LPCAT1: variants seen among roughly 807,000 people sequenced by gnomAD.
LPCAT1 encodes 1-acylglycerol-3-phosphate O-acyltransferase.
A neutral mutation model predicts 60.9 loss-of-function variants in LPCAT1; 23 were observed. That is an observed-to-expected ratio of 0.38 (90% CI 0.27 to 0.53). The LOEUF (loss-of-function observed/expected upper bound fraction) is 0.53, where lower values mean the gene tolerates loss of function less well. Among genes scored for constraint, LPCAT1 ranks in the 20% least tolerant of loss-of-function variants. The pLI is 0.82. For missense variants in LPCAT1, 622 were observed against 723.6 expected (o/e 0.86, Z 1.61); for synonymous variants, 340 against 301.1 (o/e 1.13, Z -1.34).
chr5:1,503,648 C>T (rs867284947), intron 1 of LPCAT1, among the ~76,000 whole-genome samples: 4 of 152,226 alleles, frequency 2.6e-5, no homozygotes, highest in East Asian at 1.9e-4. Context: ...CTCGTGCAGT[C>T]GCCCTACGAA....
intron 1 of LPCAT1, among the ~76,000 whole-genome samples, chr5:1,516,782 G>A (rs1339305119): frequency 1.3e-5 from 2 of 152,184 alleles, no homozygotes; most frequent in African/African-American, 2.4e-5. Flanking sequence ...CCCCAGCAGT[G>A]TCTCCCCACA....
rs141577646 is a variant in LPCAT1, at chr5:1,496,932, C to G, written c.279-2018G>C. ...GGGGAATGTGAATCAGGAGACAGATCTATCTGCATACACAGGAGCGGGGAT... is the reference window on the plus strand; with the variant it reads ...GGGGAATGTGAATCAGGAGACAGATGTATCTGCATACACAGGAGCGGGGAT... On this transcript the variant is annotated intron_variant, in intron 2 of 13. Coordinates refer to ENST00000283415, the MANE Select transcript of LPCAT1 (RefSeq NM_024830.5). This position sits in a 1 kb window ranked among gnomAD's most constrained non-coding sequence, Gnocchi z 4.7. 6.6e-6 allele frequency among the ~76,000 whole-genome samples: 1 copy of G among 152,278 alleles called. No homozygotes were observed. Among genetic ancestry groups the G allele is most frequent in the African/African-American group, 2.4e-5 (1 of 41,566 alleles).
rs1185957289 is a variant in LPCAT1 at position 1,495,077 on chromosome 5, G to A, written c.279-163C>T. 2.7e-5 allele frequency: 18 copies of A among 669,900 alleles called. No individual in the cohort carries two copies. Among genetic ancestry groups the A allele is most frequent in the Middle Eastern group, 8.2e-4 (2 of 2,434 alleles). The allele number at this position is 669,900 out of a possible 1,614,324, so 41.5% of individuals were successfully genotyped here. A position where few individuals can be genotyped will look rare whatever the true frequency, so the allele number is the denominator to read the frequency against. Reference sequence around the variant, plus strand: ...ACATCTGCTTGAGGGAAGAAAAGACGCCGCGCCTTCCTGGCCTCCGCCTGT... The same window carrying A: ...ACATCTGCTTGAGGGAAGAAAAGACACCGCGCCTTCCTGGCCTCCGCCTGT... On this transcript the variant is annotated intron_variant, in intron 2 of 13. Coordinates refer to ENST00000283415, the MANE Select transcript of LPCAT1 (RefSeq NM_024830.5). This position sits in a 1 kb window ranked among gnomAD's most constrained non-coding sequence, Gnocchi z 4.7.
At chr5:1,503,601 C>A (rs969805675) in intron 1 of LPCAT1, among the ~76,000 whole-genome samples, 1 of 152,228 alleles carries the variant, frequency 6.6e-6, no homozygotes, top group African/African-American at 2.4e-5. Context: ...AAGTAAGACG[C>A]GCCTGTCCGC....
intron 1 of LPCAT1, among the ~76,000 whole-genome samples, chr5:1,512,733 C>T (rs538049658): frequency 2.6e-5 from 4 of 152,340 alleles, no homozygotes; most frequent in East Asian, 3.9e-4. Flanking sequence ...GGCTCACACC[C>T]GTGATGCCAG....
Position 1,483,292 on chromosome 5 carries a change from T to A in LPCAT1, c.726+136A>T. 3.0e-6 allele frequency: 3 copies of A among 1,005,266 alleles called. No homozygotes were observed. The highest frequency in any genetic ancestry group is 4.7e-6 in the Non-Finnish European group (3 of 637,698). The allele number at this position is 1,005,266 out of a possible 1,614,324, so 62.3% of individuals were successfully genotyped here. ...TCTCCAGCGCTGAGGCCGGATGGAC[T>A]CAGCATGGCCAAGTGTGGGCTGTGG... On this transcript the variant is annotated intron_variant, in intron 6 of 13. Coordinates refer to ENST00000283415, the MANE Select transcript of LPCAT1 (RefSeq NM_024830.5). The surrounding 1 kb of genome is among the most constrained non-coding windows in gnomAD (Gnocchi z 9.2).
rs905486744 is a variant in LPCAT1, at chr5:1,481,540, G to A, written c.727-564C>T. Among the ~76,000 whole-genome samples, 1 of 152,268 alleles carries A rather than the reference G, an allele frequency of 6.6e-6. No homozygotes were observed. The highest frequency in any genetic ancestry group is 6.5e-5 in the Admixed American group (1 of 15,286). ...CACAGCAGGGGCCGTGACGGCAGAG[G>A]CCCAGACACCGTCACCCTGGGGTGG... is the stretch of plus-strand genomic sequence containing the variant. On this transcript the variant is annotated intron_variant, in intron 6 of 13. Transcript: ENST00000283415. The surrounding 1 kb of genome is among the most constrained non-coding windows in gnomAD (Gnocchi z 7.8).
At position 1,462,416 on chromosome 5, in the gene LPCAT1, G is replaced by A. The variant is rs1216565042; in HGVS notation, c.*1235C>T. 1.3e-5 allele frequency: 2 copies of A among 152,378 alleles called. No individual in the cohort carries two copies. The highest frequency in any genetic ancestry group is 2.1e-4 in the South Asian group (1 of 4,824). 9.4% of individuals were successfully genotyped at this position (152,378 alleles called of 1,614,324 possible). On this transcript the variant is annotated 3_prime_UTR_variant, in exon 14 of 14. Coordinates refer to ENST00000283415, the MANE Select transcript of LPCAT1 (RefSeq NM_024830.5). ...CCCTCTGCCTTTGACTCTAAGATGG[G>A]GCAGGACCCCCGCTCTCAGTGGGAT...
intron 12 of LPCAT1, among the ~76,000 whole-genome samples, chr5:1,468,718 G>GT (rs1220484762): frequency 6.6e-6 from 1 of 152,252 alleles, no homozygotes; most frequent in Non-Finnish European, 1.5e-5. Flanking sequence ...GCCCCAAGGC[G>GT]TATGAAGCAC....
chr5:1,512,559 T>C (rs1736389584), intron 1 of LPCAT1, among the ~76,000 whole-genome samples: 1 of 152,248 alleles, frequency 6.6e-6, no homozygotes, highest in Non-Finnish European at 1.5e-5. Context: ...CCTTGTGTAC[T>C]ACAAATGCAG....
chr5:1,517,668 T>C (rs1419212117), intron 1 of LPCAT1, among the ~76,000 whole-genome samples: 1 of 144,402 alleles, frequency 6.9e-6, no homozygotes, highest in African/African-American at 2.7e-5. Flanking sequence ...AAATAGATAA[T>C]TCAACTGCAA....
At chr5:1,500,291 T>C (rs1215927859) in intron 2 of LPCAT1, among the ~76,000 whole-genome samples, 1 of 152,250 alleles carries the variant, frequency 6.6e-6, no homozygotes, top group Non-Finnish European at 1.5e-5. Flanking sequence ...TTTATCAAAG[T>C]ATTTATGATA....
chr5:1,499,981 G>A (rs1054455551), intron 2 of LPCAT1, among the ~76,000 whole-genome samples: 4 of 152,326 alleles, frequency 2.6e-5, no homozygotes, highest in Admixed American at 1.3e-4. Context: ...TACACCTTTC[G>A]GAGGCCAGGC....
In LPCAT1 at chr5:1,481,090, C is replaced by G; in HGVS notation, c.727-114G>C. 7.7e-7 allele frequency: 1 copy of G among 1,302,798 alleles called. No homozygotes were observed. Among genetic ancestry groups the G allele is most frequent in the Non-Finnish European group, 1.1e-6 (1 of 909,426 alleles). The allele number at this position is 1,302,798 out of a possible 1,614,324, so 80.7% of individuals were successfully genotyped here. ...CTCCCACCCCACAGAGGCGCTGCAG[C>G]CAGGGGGAAGGGAGGAGGGTGCTAG... On this transcript the variant is annotated intron_variant, in intron 6 of 13. Transcript: ENST00000283415. The surrounding 1 kb of genome is among the most constrained non-coding windows in gnomAD (Gnocchi z 7.8).
In LPCAT1 at chr5:1,487,044, G is replaced by A. The variant is rs966662879; in HGVS notation, c.667+1347C>T. On this transcript the variant is annotated intron_variant, in intron 5 of 13. Coordinates refer to ENST00000283415, the MANE Select transcript of LPCAT1 (RefSeq NM_024830.5). The surrounding 1 kb of genome is among the most constrained non-coding windows in gnomAD (Gnocchi z 6.1). ...TACACAAGGGCCGCCAGCTCCAAAG[G>A]GCAAGGCGATGGCCCTCCCCAGGGG... Among the ~76,000 whole-genome samples the A allele has an allele frequency of 6.6e-6, 1 of 152,214 alleles. No homozygotes were observed. The highest frequency in any genetic ancestry group is 2.4e-5 in the African/African-American group (1 of 41,458).
At chr5:1,513,508 A>G (rs944916347) in intron 1 of LPCAT1, among the ~76,000 whole-genome samples, 1 of 152,238 alleles carries the variant, frequency 6.6e-6, no homozygotes, top group Non-Finnish European at 1.5e-5. Context: ...TCTGGGCTGC[A>G]CACGTTCCAC....
Position 1,521,554 on chromosome 5 carries a change from AGAG to A in LPCAT1, c.135+2153_135+2155del. The A allele has an allele frequency of 1.1e-6, 1 of 902,112 alleles. No homozygotes were observed. Among genetic ancestry groups the A allele is most frequent in the Non-Finnish European group, 1.3e-6 (1 of 754,086 alleles). 55.9% of individuals were successfully genotyped at this position (902,112 alleles called of 1,614,324 possible). ...TTGGTGAAAAGCAAAATGTTTCTGCAGAGAACTTTGAGAACGTTTACAAACTAA... is the reference window on the plus strand; with the variant it reads ...TTGGTGAAAAGCAAAATGTTTCTGCAAACTTTGAGAACGTTTACAAACTAA... On this transcript the variant is annotated intron_variant, in intron 1 of 13. Transcript: ENST00000283415. The surrounding 1 kb of genome is among the most constrained non-coding windows in gnomAD (Gnocchi z 4.3).
chr5:1,518,095 G>A (rs915450090), intron 1 of LPCAT1, among the ~76,000 whole-genome samples: 2 of 152,242 alleles, frequency 1.3e-5, no homozygotes, highest in South Asian at 2.1e-4. Context: ...CTCTGAGCAC[G>A]GCCCTGCGGC....
rs1011090780 is a variant in LPCAT1 at position 1,496,243 on chromosome 5, C to G, written c.279-1329G>C. Among the ~76,000 whole-genome samples, 1 of 152,074 alleles carries G rather than the reference C, an allele frequency of 6.6e-6. No individual in the cohort carries two copies. The highest frequency in any genetic ancestry group is 2.4e-5 in the African/African-American group (1 of 41,412). On this transcript the variant is annotated intron_variant, in intron 2 of 13. Coordinates refer to ENST00000283415, the MANE Select transcript of LPCAT1 (RefSeq NM_024830.5). This position sits in a 1 kb window ranked among gnomAD's most constrained non-coding sequence, Gnocchi z 4.7. ...GGGCATGGTGGCAGGCGTCTGTAAT[C>G]CCAGCCACTCAGGAGGCTGAGGCAG...
Sources: gnomAD v4.1 joint callset for allele counts (sites outside exome capture counted in the v4.1 genomes callset) on GRCh38, gnomAD v4.1.1 for gene constraint, Gnocchi (gnomAD v3.1) non-coding constraint, MANE v1.5 for transcripts, NCBI Gene and HGNC (gene_info 2026-07-23, HGNC 2026-07-21) for gene names.